Variants in KCTD13 observed in about 807,000 individuals in gnomAD.
The protein encoded by KCTD13 is potassium channel tetramerization domain containing 13.
In KCTD13, 15 loss-of-function variants were observed where a neutral mutation model predicts 32.3. The ratio of observed to expected loss-of-function variants is 0.46; its 90% CI spans 0.31 to 0.71. The LOEUF is 0.71. KCTD13 is among the 30% of genes least tolerant of loss of function. KCTD13 has a pLI of 0.05. For synonymous variants in KCTD13, 189 were observed against 200.1 expected (o/e 0.94, Z 0.47); for missense variants, 337 against 452.6 (o/e 0.74, Z 2.32).
chr16:29,917,464 T>C (rs1466803123), intron 2 of KCTD13, among the ~76,000 whole-genome samples: 1 of 152,012 alleles, frequency 6.6e-6, no homozygotes, highest in Non-Finnish European at 1.5e-5. Flanking sequence ...TTGACCAACA[T>C]GGCAAAACCC....
chr16:29,925,638 G>C (rs2068981404), intron 1 of KCTD13, 152 bp downstream of exon 1: 1 of 696,436 alleles, frequency 1.4e-6, no homozygotes. Flanking sequence ...AAGGGGAGGA[G>C]ATGGGATGTG....
At chr16:29,915,982 C>T (rs1002270795) in intron 2 of KCTD13, among the ~76,000 whole-genome samples, 6 of 151,770 alleles carry the variant, frequency 4.0e-5, no homozygotes, top group African/African-American at 1.5e-4. Context: ...CTTTAACTTA[C>T]TCTCTCCTCT....
chr16:29,911,400 A>G, intron 4 of KCTD13: 1 of 568,280 alleles, frequency 1.8e-6, no homozygotes, highest in Non-Finnish European at 3.1e-6. Context: ...CCAGTGAGGG[A>G]CCGGGAGCCA....
intron 2 of KCTD13, chr16:29,913,440 G>A (rs1404857857): frequency 2.0e-5 from 3 of 152,202 alleles, no homozygotes; most frequent in Admixed American, 6.5e-5. Context: ...ACAAATGTGC[G>A]AGGGGAATTA....
chr16:29,912,875 A>C, intron 2 of KCTD13, among the ~76,000 whole-genome samples: 1 of 152,216 alleles, frequency 6.6e-6, no homozygotes, highest in East Asian at 1.9e-4. Context: ...GAATGAATGA[A>C]CATATTTGTT....
chr16:29,912,397 CT>C (rs1597016504), intron 2 of KCTD13: 8 of 392,128 alleles, frequency 2.0e-5, no homozygotes, highest in Middle Eastern at 1.4e-3. Flanking sequence ...CCCAGCCCCC[CT>C]GGCTAAAACA....
intron 1 of KCTD13, chr16:29,925,541 C>G: frequency 1.8e-6 from 1 of 565,750 alleles, no homozygotes; most frequent in Non-Finnish European, 3.2e-6. Context: ...TCACTTACCA[C>G]AGCGCCTGGC....
chr16:29,926,161 T>C lies in KCTD13; in HGVS notation c.-128A>G, dbSNP rs2068995283. On this transcript the variant is annotated 5_prime_UTR_variant, in exon 1 of 6. It removes the in-frame stop codon of an upstream open reading frame in the 5' UTR. Transcript: ENST00000568000. ...GGCGCACACGCCCACTCACCGCAGC[T>C]ACTCTGCAAGACCGGCCCTCCGCCC... The C allele has an allele frequency of 1.8e-6, 2 of 1,121,244 alleles. No individual in the cohort carries two copies. Among genetic ancestry groups the C allele is most frequent in the Non-Finnish European group, 2.4e-6 (2 of 838,988 alleles). The allele number at this position is 1,121,244 out of a possible 1,614,324, so 69.5% of individuals were successfully genotyped here.
At chr16:29,921,848 G>A (rs922114440) in intron 2 of KCTD13, 2 of 152,158 alleles carry the variant, frequency 1.3e-5, no homozygotes, top group African/African-American at 4.8e-5. Context: ...GCAGGCGCCT[G>A]TAATTCTAGC....
In KCTD13 at chr16:29,926,046, C is replaced by A. The variant is rs779093507; in HGVS notation, c.-13G>T. 1 of 1,486,268 alleles carries A rather than the reference C, an allele frequency of 6.7e-7. No homozygotes were observed. The highest frequency in any genetic ancestry group is 8.9e-7 in the Non-Finnish European group (1 of 1,125,098). The allele number at this position is 1,486,268 out of a possible 1,614,324, so 92.1% of individuals were successfully genotyped here. A position where few individuals can be genotyped will look rare whatever the true frequency, so the allele number is the denominator to read the frequency against. ...CCTCCGCCGACATGCCGGGTAGCAGCGGCGGACGGCGATCCCAGGATCTCT... is the reference window on the plus strand; with the variant it reads ...CCTCCGCCGACATGCCGGGTAGCAGAGGCGGACGGCGATCCCAGGATCTCT... On this transcript the variant is annotated 5_prime_UTR_variant, in exon 1 of 6. Transcript: ENST00000568000.
intron 5 of KCTD13, among the ~76,000 whole-genome samples, chr16:29,908,796 G>A (rs1248211055): frequency 2.6e-5 from 4 of 151,546 alleles, no homozygotes; most frequent in Admixed American, 6.6e-5. Flanking sequence ...TCAACCTCCC[G>A]GGCTCAAGTG....
chr16:29,911,724 C>T (rs1276760337), intron 4 of KCTD13, 91 bp downstream of exon 4: 5 of 1,380,056 alleles, frequency 3.6e-6, no homozygotes, highest in Non-Finnish European at 4.1e-6. Flanking sequence ...TCTTGTAGGC[C>T]CCCCGTGTGG....
intron 2 of KCTD13, among the ~76,000 whole-genome samples, chr16:29,916,779 T>G (rs1226451983): frequency 6.6e-6 from 1 of 152,236 alleles, no homozygotes; most frequent in Non-Finnish European, 1.5e-5. Flanking sequence ...CTTAGCTGGG[T>G]GGCCCTGGCC....
chr16:29,909,545 A>G (rs1257851632), intron 5 of KCTD13, among the ~76,000 whole-genome samples: 2 of 152,156 alleles, frequency 1.3e-5, no homozygotes, highest in Non-Finnish European at 2.9e-5. Context: ...TACAGTACTT[A>G]GCACAGAGCA....
rs548732385 is a variant in KCTD13 at position 29,916,424 on chromosome 16, A to C, written c.415-4375T>G. On this transcript the variant is annotated intron_variant, in intron 2 of 5. Transcript: ENST00000568000. ...AACACTCCTTAAGCTTTTACTAACA[A>C]TCTCCTCAAAGTCCTTCCAGCTTCT... 4.8e-4 allele frequency among the ~76,000 whole-genome samples: 73 copies of C among 152,258 alleles called. 2 individuals are homozygous for C. The highest frequency in any genetic ancestry group is 1.7e-3 in the African/African-American group (72 of 41,556).
At chr16:29,923,757 G>A (rs1230062205) in intron 1 of KCTD13, among the ~76,000 whole-genome samples, 2 of 151,866 alleles carry the variant, frequency 1.3e-5, no homozygotes, top group African/African-American at 4.8e-5. Flanking sequence ...GGGGGGGCGA[G>A]GCAGGAGAAT....
At chr16:29,907,186 C>T in intron 5 of KCTD13, 78 bp from the exon 6 acceptor site, 1 of 949,204 alleles carries the variant, frequency 1.1e-6, no homozygotes. Context: ...AGGGCCCCTG[C>T]ACCAACACAC....
intron 2 of KCTD13, among the ~76,000 whole-genome samples, chr16:29,917,728 G>A (rs753954454): frequency 6.6e-6 from 1 of 152,050 alleles, no homozygotes; most frequent in Non-Finnish European, 1.5e-5. Context: ...GCAGTGAGCC[G>A]AGATCATGCC....
intron 5 of KCTD13, among the ~76,000 whole-genome samples, chr16:29,910,563 T>A (rs908765134): frequency 6.6e-6 from 1 of 152,088 alleles, no homozygotes; most frequent in Non-Finnish European, 1.5e-5. Flanking sequence ...CCCACGATGT[T>A]GCCCAGGCTG....
Sources: allele counts gnomAD v4.1 joint callset (sites outside exome capture counted in the v4.1 genomes callset), GRCh38; gene constraint gnomAD v4.1.1; transcripts MANE v1.5; gene names NCBI Gene and HGNC (gene_info 2026-07-23, HGNC 2026-07-21).